Variants in BTBD8 observed in about 807,000 individuals in gnomAD.
BTBD8 encodes the protein BTB domain containing 8.
Under a neutral mutation model 162.9 loss-of-function variants are expected in BTBD8, and 110 were observed. The observed-to-expected ratio is 0.68, with a 90% CI of 0.58 to 0.79. BTBD8 has a LOEUF of 0.79. Among genes scored for constraint, BTBD8 ranks in the 30% least tolerant of loss-of-function variants. BTBD8 has a pLI of 0.00. For synonymous variants in BTBD8, 667 were observed against 716.1 expected, an observed-to-expected ratio of 0.93 and a Z score of 1.10; for missense variants, 1,905 against 2,085.4, an observed-to-expected ratio of 0.91 and a Z score of 1.68.
intron 5 of BTBD8, among the ~76,000 whole-genome samples, chr1:92,130,288 GGGTTA>G (rs1310353557): frequency 3.3e-5 from 5 of 152,054 alleles, no homozygotes; most frequent in Non-Finnish European, 7.4e-5. Context: ...ACCACACTGG[GGGTTA>G]GGGCTTTACC....
At chr1:92,125,267 A>AG (rs1649324581) in intron 4 of BTBD8, 1 of 163,428 alleles carries the variant, frequency 6.1e-6, no homozygotes, top group Admixed American at 6.4e-5. Context: ...AAGAAAGAAT[A>AG]GAGGGGACCT....
chr1:92,153,513 A>C (rs911442178), intron 9 of BTBD8, among the ~76,000 whole-genome samples: 1 of 152,126 alleles, frequency 6.6e-6, no homozygotes, highest in African/African-American at 2.4e-5. Context: ...GCCCAATGAT[A>C]GCAACTCCCC....
At chr1:92,085,269 ATGTT>A (rs1273352138) in intron 1 of BTBD8, among the ~76,000 whole-genome samples, 2 of 152,332 alleles carry the variant, frequency 1.3e-5, no homozygotes, top group Non-Finnish European at 2.9e-5. Flanking sequence ...TATGGTTTGA[ATGTT>A]TGTCCTCTCA....
chr1:92,133,268 T>G (rs1649555111), intron 5 of BTBD8, among the ~76,000 whole-genome samples: 1 of 152,184 alleles, frequency 6.6e-6, no homozygotes, highest in South Asian at 2.1e-4. Context: ...TTGGGGACAT[T>G]CCTTAACTTT....
At chr1:92,171,579 A>C (rs1315541980) in intron 13 of BTBD8, 119 bp downstream of exon 13, 3 of 633,954 alleles carry the variant, frequency 4.7e-6, no homozygotes, top group Non-Finnish European at 7.3e-6. Flanking sequence ...CTATTTCTTA[A>C]TGGAAAATTT....
At chr1:92,178,598 G>A in intron 16 of BTBD8, 147 bp downstream of exon 16, 1 of 677,754 alleles carries the variant, frequency 1.5e-6, no homozygotes, top group Non-Finnish European at 2.4e-6. Context: ...AGATGAGATT[G>A]TAAACTTTTA....
intron 13 of BTBD8, among the ~76,000 whole-genome samples, chr1:92,174,541 A>G (rs1650647926): frequency 6.6e-6 from 1 of 152,208 alleles, no homozygotes; most frequent in African/African-American, 2.4e-5. Context: ...AGGATAGAAT[A>G]AATTAAGTAG....
At chr1:92,143,414 ATAT>A (rs1226839237) in intron 7 of BTBD8, among the ~76,000 whole-genome samples, 8 of 152,156 alleles carry the variant, frequency 5.3e-5, no homozygotes, top group South Asian at 4.1e-4. Context: ...GACATTTTTT[ATAT>A]TATTAATAAA....
Position 92,088,717 on chromosome 1 carries a change from C to G in BTBD8, c.169C>G (p.His57Asp). 1 of 1,602,402 alleles carries G rather than the reference C, an allele frequency of 6.2e-7. No homozygotes were observed. The change falls in exon 2 of 18, where the codon CAT becomes GAT. Residue 57 changes from histidine to aspartate, a missense_variant. Coordinates refer to ENST00000636805, the MANE Select transcript of BTBD8 (RefSeq NM_001376131.1). ...DLLRLLREEFHTDVTFSVGCT... is the reference protein window; with the variant it reads ...DLLRLLREEFDTDVTFSVGCT... The stretch of plus-strand genomic sequence containing the variant: ...TTATAGGCTTCTAAGGGAAGAATTC[C>G]ATACAGATGTTACCTTCTCTGTGGG...
Position 92,080,512 on chromosome 1 carries a change from C to G in BTBD8, c.-60C>G. 1 of 1,591,262 alleles carries G rather than the reference C, an allele frequency of 6.3e-7. No individual in the cohort carries two copies. The highest frequency in any genetic ancestry group is 8.5e-7 in the Non-Finnish European group (1 of 1,173,132). ...CGGTCGGAAACGCCCCCTTCTTCCTCCTGGGCGGGGCAAGTGAGGCCAAGT... is the reference window on the plus strand; with the variant it reads ...CGGTCGGAAACGCCCCCTTCTTCCTGCTGGGCGGGGCAAGTGAGGCCAAGT... On this transcript the variant is annotated 5_prime_UTR_variant, in exon 1 of 18. Coordinates refer to ENST00000636805, the MANE Select transcript of BTBD8 (RefSeq NM_001376131.1).
At chr1:92,156,819 G>T (rs908077966) in intron 9 of BTBD8, among the ~76,000 whole-genome samples, 1 of 151,450 alleles carries the variant, frequency 6.6e-6, no homozygotes, top group African/African-American at 2.4e-5. Flanking sequence ...ATATTTATTT[G>T]CATCTTCTCT....
At chr1:92,175,868 A>G (rs1650697455) in intron 13 of BTBD8, among the ~76,000 whole-genome samples, 1 of 152,208 alleles carries the variant, frequency 6.6e-6, no homozygotes, top group Non-Finnish European at 1.5e-5. Flanking sequence ...AATTTCTACC[A>G]ACTTAAAAAT....
At chr1:92,174,452 A>G (rs1570758032) in intron 13 of BTBD8, among the ~76,000 whole-genome samples, 1 of 152,184 alleles carries the variant, frequency 6.6e-6, no homozygotes, top group Non-Finnish European at 1.5e-5. Flanking sequence ...CCTATTGTGA[A>G]ATTTTTCAAG....
chr1:92,121,501 G>A (rs1649208332), intron 4 of BTBD8, among the ~76,000 whole-genome samples: 1 of 151,940 alleles, frequency 6.6e-6, no homozygotes, highest in Non-Finnish European at 1.5e-5. Context: ...GAATTCACTA[G>A]GGAAGTTATC....
chr1:92,140,122 A>G (rs1234514192), intron 6 of BTBD8, among the ~76,000 whole-genome samples: 5 of 150,270 alleles, frequency 3.3e-5, no homozygotes, highest in Non-Finnish European at 7.4e-5. Context: ...AAAAAAAAAA[A>G]AAAGAATATA....
At position 92,166,948 on chromosome 1, in the gene BTBD8, T is replaced by C. The variant is rs987194953; in HGVS notation, c.1123-10T>C. 7.2e-6 allele frequency: 11 copies of C among 1,524,460 alleles called. No individual in the cohort carries two copies. Among genetic ancestry groups the C allele is most frequent in the Non-Finnish European group, 9.7e-6 (11 of 1,134,282 alleles). 94.4% of individuals were successfully genotyped at this position (1,524,460 alleles called of 1,614,324 possible). A position where few individuals can be genotyped will look rare whatever the true frequency, so the allele number is the denominator to read the frequency against. ...AGCATCTAACTTTCCAATTTTTTTTTAAATCTAAGAATGATAAGAATGCTG... is the reference window on the plus strand; with the variant it reads ...AGCATCTAACTTTCCAATTTTTTTTCAAATCTAAGAATGATAAGAATGCTG... On this transcript the variant is annotated splice_polypyrimidine_tract_variant and intron_variant, in intron 9 of 17. Coordinates refer to ENST00000636805, the MANE Select transcript of BTBD8 (RefSeq NM_001376131.1).
rs1649344272 is a variant in BTBD8 at position 92,126,011 on chromosome 1, C to T, written c.663-3676C>T. On this transcript the variant is annotated intron_variant, in intron 4 of 17. Transcript: ENST00000636805. ...TGAAATGGTAGTGTATCAACCGAGG[C>T]AGCTGTAGAAGAATCCATATGGGAA... The T allele has an allele frequency of 1.7e-5, 8 of 465,010 alleles. No homozygotes were observed. The Admixed American group carries it at 2.0e-4, about 12-fold the overall frequency. 28.8% of individuals were successfully genotyped at this position (465,010 alleles called of 1,614,324 possible).
chr1:92,147,341 G>C (rs1352322367), intron 8 of BTBD8, 73 bp downstream of exon 8: 2 of 1,327,218 alleles, frequency 1.5e-6, no homozygotes, highest in Non-Finnish European at 2.1e-6. Context: ...ATTTTGTGGG[G>C]AACTTTAGAG....
At position 92,126,122 on chromosome 1, in the gene BTBD8, G is replaced by A. The variant is rs375365438; in HGVS notation, c.663-3565G>A. On this transcript the variant is annotated intron_variant, in intron 4 of 17. Transcript: ENST00000636805. ...CTCTGGATAAGTGAAAGCATCTTAC[G>A]GTAGCTGATACATGGGAACCAGTCA... The A allele has an allele frequency of 1.5e-4, 72 of 490,962 alleles. 1 individual carries two copies. Among genetic ancestry groups the A allele is most frequent in the African/African-American group, 1.0e-3 (51 of 50,730 alleles). 30.4% of individuals were successfully genotyped at this position (490,962 alleles called of 1,614,324 possible). A position where few individuals can be genotyped will look rare whatever the true frequency, so the allele number is the denominator to read the frequency against.
Sources: allele counts gnomAD v4.1 joint callset (sites outside exome capture counted in the v4.1 genomes callset), GRCh38; gene constraint gnomAD v4.1.1; transcripts MANE v1.5; gene names NCBI Gene and HGNC (gene_info 2026-07-23, HGNC 2026-07-21).